Variants in TEC observed in about 807,000 individuals in gnomAD.
TEC encodes the protein tec protein tyrosine kinase.
Under a neutral mutation model 93.0 loss-of-function variants are expected in TEC, and 72 were observed. That is an observed-to-expected ratio of 0.77 (90% CI 0.64 to 0.94). TEC has a LOEUF of 0.94. Among genes scored for constraint, TEC ranks in the 40% least tolerant of loss-of-function variants. The pLI, the probability that TEC is intolerant of heterozygous loss-of-function variation, is 0.00. For synonymous variants in TEC, 249 were observed against 247.7 expected, an observed-to-expected ratio of 1.01 and a Z score of -0.05; for missense variants, 630 against 757.9, an observed-to-expected ratio of 0.83 and a Z score of 1.98.
intron 2 of TEC, among the ~76,000 whole-genome samples, chr4:48,193,573 A>G (rs1722168954): frequency 6.6e-6 from 1 of 152,158 alleles, no homozygotes; most frequent in African/African-American, 2.4e-5. Context: ...ATCATTGGAT[A>G]TGTTAGTGAG....
At chr4:48,259,672 T>C (rs1724444382) in intron 1 of TEC, among the ~76,000 whole-genome samples, 1 of 148,002 alleles carries the variant, frequency 6.8e-6, no homozygotes, top group Non-Finnish European at 1.5e-5. Flanking sequence ...GTCGAGATCA[T>C]GCCACTGTAC....
At chr4:48,259,100 C>T (rs2109677605) in intron 1 of TEC, among the ~76,000 whole-genome samples, 1 of 152,294 alleles carries the variant, frequency 6.6e-6, no homozygotes, top group Non-Finnish European at 1.5e-5. Flanking sequence ...CAAGCCATCT[C>T]CTTGTTCATG....
chr4:48,256,594 CAAAAAAAAAAAAAAA>C, intron 1 of TEC, among the ~76,000 whole-genome samples: 1 of 61,678 alleles, frequency 1.6e-5, no homozygotes, highest in South Asian at 7.5e-4. Context: ...GACCTTGTCT[CAAAAAAAAAAAAAAA>C]AAAAAAAAAG....
intron 2 of TEC, among the ~76,000 whole-genome samples, chr4:48,217,890 G>C (rs1205534703): frequency 1.3e-5 from 2 of 151,894 alleles, no homozygotes; most frequent in Non-Finnish European, 2.9e-5. Context: ...AGAATGTCTA[G>C]GGGTATGGAT....
At chr4:48,151,035 G>T in intron 9 of TEC, 93 bp from the exon 10 acceptor site, 3 of 815,114 alleles carry the variant, frequency 3.7e-6, no homozygotes, top group Non-Finnish European at 3.7e-6. Context: ...ATAATTTTAT[G>T]ATTATTATTC....
chr4:48,137,470 A>T lies in TEC; in HGVS notation c.1842T>A (p.Asp614Glu). The change falls in exon 18 of 18, where the codon GAT (aspartate) becomes GAA (glutamate). Residue 614 changes from aspartate (D) to glutamate (E), a missense_variant. Physicochemically the swap from Asp to Glu is conservative, Grantham distance 45. This residue lies in a region of TEC where 289 missense variants were observed against 390.0 expected (regional missense o/e 0.74). Coordinates refer to ENST00000381501, the MANE Select transcript of TEC (RefSeq NM_003215.3). The stretch of plus-strand genomic sequence containing the variant: ...CTAGTTCATCTATTGTGCGCAGCAG[A>T]TCTTCGAAAGAAGGCCTTCCCTCTG... The part of the protein sequence containing the change: ...EKPEGRPSFE[D>E]LLRTIDELVE... 1 of 1,614,178 alleles carries T rather than the reference A, an allele frequency of 6.2e-7. No individual in the cohort carries two copies. Among genetic ancestry groups the T allele is most frequent in the Non-Finnish European group, 8.5e-7 (1 of 1,180,026 alleles).
intron 2 of TEC, 38 bp downstream of exon 2, chr4:48,228,439 C>A: frequency 6.5e-7 from 1 of 1,535,750 alleles, no homozygotes. Flanking sequence ...TCGTTATCTA[C>A]ATAGAAAGCA....
At chr4:48,194,431 G>A (rs527876255) in intron 2 of TEC, among the ~76,000 whole-genome samples, 2 of 152,284 alleles carry the variant, frequency 1.3e-5, no homozygotes, top group South Asian at 4.1e-4. Flanking sequence ...TATCTCTCTA[G>A]TTCTCTTCAA....
chr4:48,165,303 T>C (rs997265533), intron 7 of TEC, among the ~76,000 whole-genome samples: 1 of 152,248 alleles, frequency 6.6e-6, no homozygotes, highest in African/African-American at 2.4e-5. Flanking sequence ...CAACTCATTA[T>C]TCTGAAAACT....
intron 1 of TEC, among the ~76,000 whole-genome samples, chr4:48,235,262 T>A (rs1577662355): frequency 1.3e-5 from 2 of 152,150 alleles, no homozygotes; most frequent in East Asian, 3.8e-4. Context: ...ATGCAGCATT[T>A]AGCATGGGTG....
chr4:48,205,084 T>C (rs150102081), intron 2 of TEC, among the ~76,000 whole-genome samples: 2 of 152,370 alleles, frequency 1.3e-5, no homozygotes, highest in African/African-American at 4.8e-5. Context: ...TTAAGCTCCC[T>C]AACCCTTGGA....
intron 9 of TEC, among the ~76,000 whole-genome samples, chr4:48,155,389 T>C (rs1384632997): frequency 6.6e-6 from 1 of 152,194 alleles, no homozygotes; most frequent in Non-Finnish European, 1.5e-5. Flanking sequence ...TGATAGTCTT[T>C]TGTTGAGTGT....
chr4:48,213,230 CA>C lies in TEC; in HGVS notation c.138+15246del, dbSNP rs772793138. ...CAATAATCTATTAAAAATCATTTTG[CA>C]ATTTCACCTCAGTCTCTTGCTTACT... On this transcript the variant is annotated intron_variant, in intron 2 of 17. Coordinates refer to ENST00000381501, the MANE Select transcript of TEC (RefSeq NM_003215.3). Among the ~76,000 whole-genome samples the C allele has an allele frequency of 1.3e-3, 202 of 152,134 alleles. 3 individuals are homozygous for C. Among genetic ancestry groups the C allele is most frequent in the Non-Finnish European group, 1.3e-3 (90 of 68,006 alleles).
intron 7 of TEC, among the ~76,000 whole-genome samples, chr4:48,164,770 G>A (rs1281796797): frequency 6.6e-6 from 1 of 152,178 alleles, no homozygotes; most frequent in African/African-American, 2.4e-5. Flanking sequence ...AGGAGGCCAA[G>A]GCAAGCAGAT....
chr4:48,240,546 G>T (rs1723898348), intron 1 of TEC, among the ~76,000 whole-genome samples: 3 of 152,078 alleles, frequency 2.0e-5, no homozygotes. Context: ...AGGAATATGT[G>T]ATTTCTAGCT....
intron 15 of TEC, 102 bp downstream of exon 15, chr4:48,141,253 C>T (rs1719649069): frequency 2.0e-6 from 2 of 1,004,260 alleles, no homozygotes; most frequent in Non-Finnish European, 3.1e-6. Context: ...AACCAGTTAA[C>T]AAGATTTCCT....
intron 2 of TEC, among the ~76,000 whole-genome samples, chr4:48,181,054 C>T (rs116309632): frequency 3.3e-5 from 5 of 152,076 alleles, no homozygotes; most frequent in Non-Finnish European, 5.9e-5. Context: ...GGGGGGCTAA[C>T]GGATTTTGAG....
Position 48,137,331 on chromosome 4 carries a change from G to T in TEC, c.*85C>A. 1 of 1,056,798 alleles carries T rather than the reference G, an allele frequency of 9.5e-7. No homozygotes were observed. Among genetic ancestry groups the T allele is most frequent in the East Asian group, 2.4e-5 (1 of 41,606 alleles). The allele number at this position is 1,056,798 out of a possible 1,614,324, so 65.5% of individuals were successfully genotyped here. A position where few individuals can be genotyped will look rare whatever the true frequency, so the allele number is the denominator to read the frequency against. ...ACTGTATAAGTAAAATGATCTACAT[G>T]TCCAAGTGCTCAATAAATTAAAAGC... On this transcript the variant is annotated 3_prime_UTR_variant, in exon 18 of 18. Transcript: ENST00000381501.
At position 48,255,349 on chromosome 4, in the gene TEC, T is replaced by C. The variant is rs538239392; in HGVS notation, c.-46+14403A>G. Among the ~76,000 whole-genome samples, 5 of 152,204 alleles carry C rather than the reference T, an allele frequency of 3.3e-5. No individual in the cohort carries two copies. In the East Asian group the frequency reaches 5.8e-4, roughly 18 times the overall value. On this transcript the variant is annotated intron_variant, in intron 1 of 17. Transcript: ENST00000381501. Reference sequence around the variant, plus strand: ...CCTAAATGCCAGCAGAAGAGTCCCATTGAGCCAGACTGGATCACATGCTAA... The same window carrying C: ...CCTAAATGCCAGCAGAAGAGTCCCACTGAGCCAGACTGGATCACATGCTAA...
Sources: allele counts gnomAD v4.1 joint callset (sites outside exome capture counted in the v4.1 genomes callset), GRCh38; gene constraint gnomAD v4.1.1; regional missense constraint gnomAD v4.1.1; transcripts MANE v1.5; gene names NCBI Gene and HGNC (gene_info 2026-07-23, HGNC 2026-07-21).